ZNF724: variants seen among roughly 807,000 people sequenced by gnomAD.
ZNF724 encodes the protein zinc finger protein 724, also known as zinc finger protein 724 pseudogene.
ZNF724 carries 14 observed loss-of-function variants against 29.3 expected under a neutral mutation model. The ratio of observed to expected loss-of-function variants is 0.48; its 90% CI spans 0.32 to 0.75. The LOEUF (loss-of-function observed/expected upper bound fraction) is 0.75, where lower values mean the gene tolerates loss of function less well. ZNF724 is among the 30% of genes least tolerant of loss of function. ZNF724 has a pLI of 0.04. For missense variants in ZNF724, 557 were observed against 571.2 expected (o/e 0.98, Z 0.25); for synonymous variants, 180 against 193.6 (o/e 0.93, Z 0.58).
rs747804742 is a variant in ZNF724, at chr19:23,233,834, CCTT to C, written c.4-1544_4-1542del. 2.6e-5 allele frequency among the ~76,000 whole-genome samples: 4 copies of C among 151,742 alleles called. No homozygotes were observed. The East Asian group carries it at 5.8e-4, about 22-fold the overall frequency. Reference sequence around the variant, plus strand: ...AATGCCACTTTTTCCTCTATCTCCTCCTTCTCTTGGATTTATTTTCAGATGAGA... The same window carrying C: ...AATGCCACTTTTTCCTCTATCTCCTCCTCTTGGATTTATTTTCAGATGAGA... On this transcript the variant is annotated intron_variant, in intron 1 of 3. Transcript: ENST00000418100.
Position 23,250,355 on chromosome 19 carries a change from G to T in ZNF724, c.-113C>A. ...AGAGCAGGGGACACAAAGCAGGGAA[G>T]ACGAGACCAAGCGCTCCAGCTGCAG... On this transcript the variant is annotated 5_prime_UTR_variant, in exon 1 of 4. Transcript: ENST00000418100. 1 of 498,690 alleles carries T rather than the reference G, an allele frequency of 2.0e-6. No homozygotes were observed. The allele number at this position is 498,690 out of a possible 1,614,324, so 30.9% of individuals were successfully genotyped here.
intron 1 of ZNF724, among the ~76,000 whole-genome samples, chr19:23,243,496 A>AT: frequency 1.3e-5 from 2 of 150,606 alleles, no homozygotes; most frequent in African/African-American, 4.9e-5. Context: ...AAAAAAAAAA[A>AT]AAAAAGGTAA....
chr19:23,244,999 C>T (rs1972212177), intron 1 of ZNF724, among the ~76,000 whole-genome samples: 1 of 152,132 alleles, frequency 6.6e-6, no homozygotes, highest in South Asian at 2.1e-4. Flanking sequence ...AGAGATGAAG[C>T]ACGTAGGTAA....
At chr19:23,243,462 C>T (rs555527428) in intron 1 of ZNF724, among the ~76,000 whole-genome samples, 8 of 92,882 alleles carry the variant, frequency 8.6e-5, no homozygotes, top group African/African-American at 3.0e-4. Flanking sequence ...AGTGACAGAG[C>T]GAGAGTCCAT....
intron 1 of ZNF724, among the ~76,000 whole-genome samples, chr19:23,240,664 A>C (rs916866168): frequency 1.9e-4 from 29 of 151,268 alleles, no homozygotes; most frequent in Admixed American, 6.6e-5. Context: ...AGGTTGCGGT[A>C]ATCTGAGATC....
At chr19:23,229,183 G>C (rs1461330941) in intron 3 of ZNF724, among the ~76,000 whole-genome samples, 2 of 152,122 alleles carry the variant, frequency 1.3e-5, no homozygotes, top group Admixed American at 6.6e-5. Flanking sequence ...CATTCATTCA[G>C]GTGGTAAACT....
intron 3 of ZNF724, among the ~76,000 whole-genome samples, chr19:23,230,498 T>A (rs10416018): frequency 7.0e-6 from 1 of 142,844 alleles, no homozygotes; most frequent in Non-Finnish European, 1.5e-5. Context: ...GACTATAGTA[T>A]AAAAACAGGA....
At chr19:23,238,954 A>T (rs1224261621) in intron 1 of ZNF724, among the ~76,000 whole-genome samples, 5 of 152,230 alleles carry the variant, frequency 3.3e-5, no homozygotes, top group African/African-American at 1.2e-4. Context: ...GATCTCTTGG[A>T]CATCTGAATT....
intron 1 of ZNF724, among the ~76,000 whole-genome samples, chr19:23,247,931 A>G (rs1291566106): frequency 6.6e-6 from 1 of 152,198 alleles, no homozygotes; most frequent in Non-Finnish European, 1.5e-5. Context: ...GTTCTATAAG[A>G]GAAAATGACC....
intron 1 of ZNF724, among the ~76,000 whole-genome samples, chr19:23,249,853 G>T (rs1003212758): frequency 6.6e-6 from 1 of 152,104 alleles, no homozygotes; most frequent in African/African-American, 2.4e-5. Flanking sequence ...TTTTTAATAG[G>T]GGGAAAGATG....
chr19:23,223,106 G>C lies in ZNF724; in HGVS notation c.1139C>G (p.Thr380Ser). The C allele has an allele frequency of 8.0e-7, 1 of 1,244,624 alleles. No homozygotes were observed. The highest frequency in any genetic ancestry group is 1.7e-5 in the Admixed American group (1 of 58,960). The allele number at this position is 1,244,624 out of a possible 1,614,324, so 77.1% of individuals were successfully genotyped here. Residue 380 changes from threonine (T) to serine (S), a missense_variant, in exon 4 of 4, where the codon ACT (threonine) becomes AGT (serine). Around this residue, in one of 3 missense-constraint regions of ZNF724, gnomAD observed 362 missense variants for 295.5 expected, o/e 1.22. Coordinates refer to ENST00000418100, the MANE Select transcript of ZNF724 (RefSeq NM_001355404.2). ...ATGAATTCTCTTATGTTGAGTAAGA[G>C]TTGAGGACACGTTAAAGGCTTTGCC... ...ECGKAFNVSS[T>S]LTQHKRIHTG...
rs148093695 is a variant in ZNF724 at position 23,248,296 on chromosome 19, T to C, written c.3+1944A>G. Among the ~76,000 whole-genome samples, 981 of 152,276 alleles carry C rather than the reference T, an allele frequency of 6.4e-3. 7 individuals are homozygous for C. Among genetic ancestry groups the C allele is most frequent in the Non-Finnish European group, 0.011 (742 of 68,014 alleles). On this transcript the variant is annotated intron_variant, in intron 1 of 3. Transcript: ENST00000418100. ...AGGACAAATAGTTCATAATGTGAAT[T>C]AGGGAAAGAAAGTTGACAGTTCCTT...
chr19:23,223,764 T>C lies in ZNF724; in HGVS notation c.481A>G (p.Asn161Asp), dbSNP rs970184872. ...VKDFHKFSNS[N>D]RHKTEKNPFK... ...GGATTCTTTTCAGTCTTATGTCTAT[T>C]TGAATTTGAAAATTTATGAAAGTCT... is the stretch of plus-strand genomic sequence containing the variant. Residue 161 changes from asparagine (N) to aspartate (D), a missense_variant, in exon 4 of 4, where the codon AAT becomes GAT. Physicochemically the swap from Asn to Asp is conservative, Grantham distance 23. Coordinates refer to ENST00000418100, the MANE Select transcript of ZNF724 (RefSeq NM_001355404.2). 3 of 756,616 alleles carry C rather than the reference T, an allele frequency of 4.0e-6. No individual in the cohort carries two copies. Among genetic ancestry groups the C allele is most frequent in the African/African-American group, 1.7e-5 (1 of 58,010 alleles). The allele number at this position is 756,616 out of a possible 1,614,324, so 46.9% of individuals were successfully genotyped here. A position where few individuals can be genotyped will look rare whatever the true frequency, so the allele number is the denominator to read the frequency against.
Position 23,223,715 on chromosome 19 carries a change from T to C in ZNF724, c.530A>G (p.Lys177Arg). The change falls in exon 4 of 4, where the codon AAG (lysine) becomes AGG (arginine). Residue 177 changes from lysine to arginine, a missense_variant. Transcript: ENST00000418100. ...TAGGTGTGAAAGAACACAAAATGAC[T>C]TGCCACATTCTTTACATTTGAAAGG... Reference protein sequence around the residue: ...KNPFKCKECGKSFCVLSHLTQ... With the variant: ...KNPFKCKECGRSFCVLSHLTQ... 1.4e-6 allele frequency: 1 copy of C among 722,050 alleles called. No homozygotes were observed. Among genetic ancestry groups the C allele is most frequent in the Non-Finnish European group, 2.6e-6 (1 of 389,014 alleles). The allele number at this position is 722,050 out of a possible 1,614,324, so 44.7% of individuals were successfully genotyped here. A position where few individuals can be genotyped will look rare whatever the true frequency, so the allele number is the denominator to read the frequency against.
chr19:23,228,322 T>C (rs1210956161), intron 3 of ZNF724, among the ~76,000 whole-genome samples: 2 of 150,158 alleles, frequency 1.3e-5, no homozygotes, highest in South Asian at 4.2e-4. Flanking sequence ...TGGTGGCGCA[T>C]GCCTGTAATC....
Position 23,222,533 on chromosome 19 carries a change from A to T in ZNF724, c.1712T>A (p.Phe571Tyr), listed in dbSNP as rs771513304. Residue 571 changes from phenylalanine (F) to tyrosine (Y), a missense_variant, in exon 4 of 4, where the codon TTT becomes TAT. Physicochemically the swap from Phe to Tyr is conservative, Grantham distance 22. This residue lies in a region of ZNF724 where 170 missense variants were observed against 220.7 expected (regional missense o/e 0.77). Transcript: ENST00000418100. ...TTTAGTCAGAGTTGAGGACCAATTA[A>T]AGGCTTTGCCACATTCTTCACATTT... Reference protein sequence around the residue: ...PYKCEECGKAFNWSSTLTKHK... With the variant: ...PYKCEECGKAYNWSSTLTKHK... 4.4e-6 allele frequency: 6 copies of T among 1,360,740 alleles called. No individual in the cohort carries two copies. The highest frequency in any genetic ancestry group is 6.3e-6 in the Non-Finnish European group (6 of 951,348). The allele number at this position is 1,360,740 out of a possible 1,614,324, so 84.3% of individuals were successfully genotyped here.
At chr19:23,238,148 G>T (rs927440394) in intron 1 of ZNF724, among the ~76,000 whole-genome samples, 2 of 151,710 alleles carry the variant, frequency 1.3e-5, no homozygotes, top group African/African-American at 2.4e-5. Flanking sequence ...GGCGGATCAC[G>T]AGGTCAGGAG....
chr19:23,233,996 C>A (rs914214394), intron 1 of ZNF724, among the ~76,000 whole-genome samples: 1 of 152,082 alleles, frequency 6.6e-6, no homozygotes, highest in African/African-American at 2.4e-5. Flanking sequence ...AGAAAAGATT[C>A]AGAAACAATG....
intron 1 of ZNF724, among the ~76,000 whole-genome samples, chr19:23,244,749 T>TA (rs2145794738): frequency 6.6e-6 from 1 of 152,262 alleles, no homozygotes; most frequent in South Asian, 2.1e-4. Context: ...ATATTGTTCT[T>TA]ACTACAGTTG....
Sources: allele counts gnomAD v4.1 joint callset (sites outside exome capture counted in the v4.1 genomes callset), GRCh38; gene constraint gnomAD v4.1.1; regional missense constraint gnomAD v4.1.1; transcripts MANE v1.5; gene names NCBI Gene and HGNC (gene_info 2026-07-23, HGNC 2026-07-21).